Variants in BLTP1 observed in about 807,000 individuals in gnomAD.
BLTP1 encodes bridge-like lipid transfer protein family member 1, also known as fragile site-associated protein.
chr4:122,236,712 C>G, the BLTP1 span: 1 of 901,742 alleles, frequency 1.1e-6, no homozygotes, highest in Non-Finnish European at 1.3e-6. Context: ...GGAATTTATA[C>G]TGATGTGAAA....
At chr4:122,247,505 G>A in the BLTP1 span, 3 of 1,044,818 alleles carry the variant, frequency 2.9e-6, no homozygotes, top group African/African-American at 1.6e-5. Flanking sequence ...TATTGAACAC[G>A]TGGTATTTAG....
At chr4:122,158,731 A>G in the BLTP1 span, among the ~76,000 whole-genome samples, 1 of 152,200 alleles carries the variant, frequency 6.6e-6, no homozygotes, top group Non-Finnish European at 1.5e-5. Context: ...AGATTGCGCC[A>G]CTGCACTCCA....
the BLTP1 span, among the ~76,000 whole-genome samples, chr4:122,294,163 CTT>C: frequency 1.3e-5 from 2 of 152,210 alleles, no homozygotes; most frequent in African/African-American, 4.8e-5. Flanking sequence ...GTTCAGCTGA[CTT>C]AGCCTTTTCA....
At chr4:122,157,155 A>G in the BLTP1 span, among the ~76,000 whole-genome samples, 1 of 152,200 alleles carries the variant, frequency 6.6e-6, no homozygotes, top group Non-Finnish European at 1.5e-5. Flanking sequence ...TACCCTTCTC[A>G]TACTTTGTAT....
chr4:122,193,481 T>C, the BLTP1 span: 1 of 212,370 alleles, frequency 4.7e-6, no homozygotes, highest in Non-Finnish European at 8.1e-6. Context: ...TCTATAGTGG[T>C]TAAGAGGTAT....
At chr4:122,306,156 T>G in the BLTP1 span, 1 of 1,089,290 alleles carries the variant, frequency 9.2e-7, no homozygotes, top group Non-Finnish European at 1.3e-6. Flanking sequence ...AAATGGTTCC[T>G]AAATCTGAAA....
At chr4:122,161,435 C>CTT in the BLTP1 span, among the ~76,000 whole-genome samples, 16 of 140,498 alleles carry the variant, frequency 1.1e-4, no homozygotes, top group Non-Finnish European at 2.0e-4. Context: ...CTTTTGTTTT[C>CTT]TTTTTTTTTT....
At chr4:122,346,729 A>C in the BLTP1 span, 2 of 1,611,792 alleles carry the variant, frequency 1.2e-6, no homozygotes, top group South Asian at 2.2e-5. Context: ...CAAGACGTCT[A>C]TTCCTTGGAG....
the BLTP1 span, chr4:122,170,756 A>AT: frequency 1.9e-6 from 3 of 1,565,896 alleles, no homozygotes; most frequent in Non-Finnish European, 2.6e-6. Context: ...TAAGTGGAAT[A>AT]TTTTTCTTCT....
the BLTP1 span, among the ~76,000 whole-genome samples, chr4:122,159,184 G>T: frequency 1.3e-5 from 2 of 152,078 alleles, no homozygotes; most frequent in African/African-American, 4.8e-5. Flanking sequence ...TTTTGGCTGG[G>T]CGCGGTGGGT....
the BLTP1 span, among the ~76,000 whole-genome samples, chr4:122,212,293 AC>A: frequency 6.6e-6 from 1 of 152,174 alleles, no homozygotes; most frequent in African/African-American, 2.4e-5. Context: ...ATTTGTAGAT[AC>A]CTAGAGTTTC....
the BLTP1 span, chr4:122,343,369 T>G: frequency 6.2e-7 from 1 of 1,605,008 alleles, no homozygotes. Flanking sequence ...TGGCCTTTTT[T>G]TCTTGTAGCT....
At chr4:122,198,341 G>A in the BLTP1 span, 1 of 985,320 alleles carries the variant, frequency 1.0e-6, no homozygotes, top group Non-Finnish European at 1.2e-6. Flanking sequence ...CAGTTCGAAA[G>A]AAGCATCTTT....
the BLTP1 span, chr4:122,353,202 TG>T: frequency 6.3e-7 from 1 of 1,582,936 alleles, no homozygotes; most frequent in South Asian, 1.2e-5. The surrounding 1 kb of genome is among the most constrained non-coding windows in gnomAD (Gnocchi z 4.3). Flanking sequence ...TCTTCTGTTA[TG>T]ACTATAAATG....
the BLTP1 span, among the ~76,000 whole-genome samples, chr4:122,346,167 C>G: frequency 6.6e-6 from 1 of 152,062 alleles, no homozygotes. Flanking sequence ...TGCTCCAGAG[C>G]AGAACTCTGG....
chr4:122,289,022 T>C, the BLTP1 span: 3 of 1,509,404 alleles, frequency 2.0e-6, no homozygotes, highest in Admixed American at 4.1e-5. Context: ...TTAGGGTGAT[T>C]TATGTAAGAA....
chr4:122,187,054 C>T, the BLTP1 span: 5 of 984,730 alleles, frequency 5.1e-6, no homozygotes, highest in Non-Finnish European at 6.0e-6. Flanking sequence ...GTGACTTGTA[C>T]CTTAATCATT....
At chr4:122,319,276 C>A in the BLTP1 span, among the ~76,000 whole-genome samples, 2 of 151,162 alleles carry the variant, frequency 1.3e-5, no homozygotes, top group Non-Finnish European at 3.0e-5. Context: ...TTAATTTGCC[C>A]TTTTTTTTCT....
At chr4:122,166,274 T>G in the BLTP1 span, among the ~76,000 whole-genome samples, 581 of 152,306 alleles carry the variant, frequency 3.8e-3, 3 homozygotes, top group Middle Eastern at 0.014. Flanking sequence ...AGGGATCCAG[T>G]TTCAGCTTTC....
Sources: allele counts gnomAD v4.1 joint callset (sites outside exome capture counted in the v4.1 genomes callset), GRCh38; gene constraint gnomAD v4.1.1; non-coding constraint Gnocchi (gnomAD v3.1); transcripts MANE v1.5; gene names NCBI Gene and HGNC (gene_info 2026-07-23, HGNC 2026-07-21).